MAST3: variants seen among roughly 807,000 people sequenced by gnomAD.
MAST3 encodes the protein microtubule-associated serine/threonine-protein kinase 3.
MAST3 carries 43 observed loss-of-function variants against 127.0 expected under a neutral mutation model. That is an observed-to-expected ratio of 0.34 (90% CI 0.27 to 0.44). The LOEUF (loss-of-function observed/expected upper bound fraction) is 0.44. Among genes scored for constraint, MAST3 ranks in the 20% least tolerant of loss-of-function variants. The pLI is 1.00. For synonymous variants in MAST3, 785 were observed against 809.2 expected, an observed-to-expected ratio of 0.97 and a Z score of 0.51; for missense variants, 1,390 against 1,919.1, an observed-to-expected ratio of 0.72 and a Z score of 5.15.
intron 1 of MAST3, among the ~76,000 whole-genome samples, 193 bp from the exon 2 acceptor site, chr19:18,107,394 G>A (rs956082982): frequency 2.6e-5 from 4 of 152,178 alleles, no homozygotes; most frequent in Non-Finnish European, 5.9e-5. Flanking sequence ...GGGCCAGAAG[G>A]GAGGGAAGGC....
intron 3 of MAST3, among the ~76,000 whole-genome samples, chr19:18,121,357 A>G (rs1165345995): frequency 6.6e-6 from 1 of 151,170 alleles, no homozygotes; most frequent in Non-Finnish European, 1.5e-5. Flanking sequence ...GGGTCTTGCT[A>G]TGTTGCCCAG....
intron 3 of MAST3, among the ~76,000 whole-genome samples, chr19:18,114,035 TC>T (rs1400726101): frequency 1.3e-5 from 2 of 152,104 alleles, no homozygotes; most frequent in Non-Finnish European, 2.9e-5. Flanking sequence ...AGAGCTCTGT[TC>T]CCTCCTTTCT....
chr19:18,127,977 G>C (rs2040848608), intron 11 of MAST3, among the ~76,000 whole-genome samples: 5 of 152,222 alleles, frequency 3.3e-5, no homozygotes, highest in African/African-American at 1.2e-4. Flanking sequence ...GATCACATGT[G>C]GTCTGTGGCT....
chr19:18,132,547 C>T (rs2041435023), intron 15 of MAST3, among the ~76,000 whole-genome samples: 1 of 152,124 alleles, frequency 6.6e-6, no homozygotes, highest in South Asian at 2.1e-4. Context: ...AGGAAGAGAA[C>T]GTGTTTACTG....
chr19:18,149,888 C>A lies in MAST3; in HGVS notation c.*162C>A. 1 of 932,838 alleles carries A rather than the reference C, an allele frequency of 1.1e-6. No individual in the cohort carries two copies. The highest frequency in any genetic ancestry group is 1.4e-6 in the Non-Finnish European group (1 of 703,966). 57.8% of individuals were successfully genotyped at this position (932,838 alleles called of 1,614,324 possible). The stretch of plus-strand genomic sequence containing the variant: ...GGAAGGTGGAGACATCGCTTGTGTT[C>A]TGGTGTCAATCGGGGCTGGATGGGG... On this transcript the variant is annotated 3_prime_UTR_variant, in exon 28 of 28. Transcript: ENST00000687212. The surrounding 1 kb of genome is among the most constrained non-coding windows in gnomAD (Gnocchi z 5.9).
rs1599907175 is a variant in MAST3 at position 18,145,891 on chromosome 19, C to T, written c.3162+26C>T. 6.4e-7 allele frequency: 1 copy of T among 1,561,594 alleles called. No homozygotes were observed. The highest frequency in any genetic ancestry group is 8.6e-7 in the Non-Finnish European group (1 of 1,158,900). On this transcript the variant is annotated intron_variant, in intron 25 of 27. Coordinates refer to ENST00000687212, the MANE Select transcript of MAST3 (RefSeq NM_001393504.1). This position sits in a 1 kb window ranked among gnomAD's most constrained non-coding sequence, Gnocchi z 5.9. ...GTGCGGCACCCCCACTGCCCACCCTCAGGGCTCCCCAGCACCCCTTGGCCG... is the reference window on the plus strand; with the variant it reads ...GTGCGGCACCCCCACTGCCCACCCTTAGGGCTCCCCAGCACCCCTTGGCCG...
intron 1 of MAST3, among the ~76,000 whole-genome samples, chr19:18,100,403 G>A (rs11667917): frequency 0.38 from 57,137 of 151,510 alleles, 11,134 homozygotes; most frequent in Admixed American, 0.43. Context: ...TAGAATTACA[G>A]GCGTGAGCCA....
chr19:18,123,832 C>T, intron 8 of MAST3, 107 bp from the exon 9 acceptor site: 1 of 1,149,356 alleles, frequency 8.7e-7, no homozygotes, highest in Non-Finnish European at 1.2e-6. Context: ...CCCGATCGCC[C>T]CATTGCCCCA....
rs1055320833 is a variant in MAST3, at chr19:18,110,431, C to G, written c.72-221C>G. On this transcript the variant is annotated intron_variant, in intron 2 of 27. Transcript: ENST00000687212. This position sits in a 1 kb window ranked among gnomAD's most constrained non-coding sequence, Gnocchi z 4.3. ...AGGACAGGATGACAACTACCCTCCC[C>G]CCACGTCTCTGTTCGTGTCGCCCAG... is the stretch of plus-strand genomic sequence containing the variant. 1.0e-6 allele frequency: 1 copy of G among 981,102 alleles called. No individual in the cohort carries two copies. Among genetic ancestry groups the G allele is most frequent in the East Asian group, 1.1e-4 (1 of 8,790 alleles). The allele number at this position is 981,102 out of a possible 1,614,324, so 60.8% of individuals were successfully genotyped here. A position where few individuals can be genotyped will look rare whatever the true frequency, so the allele number is the denominator to read the frequency against.
chr19:18,125,218 C>T (rs2040473945), intron 11 of MAST3, among the ~76,000 whole-genome samples: 1 of 152,194 alleles, frequency 6.6e-6, no homozygotes, highest in Non-Finnish European at 1.5e-5. Context: ...TCTTAGGTCA[C>T]CTGTGGGAAT....
chr19:18,141,031 C>T (rs902230607), intron 20 of MAST3, among the ~76,000 whole-genome samples: 3 of 152,054 alleles, frequency 2.0e-5, no homozygotes, highest in South Asian at 2.1e-4. Flanking sequence ...TGTCCTCAAG[C>T]GATCCGCCTG....
rs776847120 is a variant in MAST3, at chr19:18,141,973, G to A, written c.2297G>A (p.Arg766His). ...FSEDREEGWE[R>H]SEVDYGRRLS... ...GAAGACCGGGAGGAGGGGTGGGAGC[G>A]CAGCGAAGTGGACTATGGCCGCCGG... The change falls in exon 21 of 28, where the codon CGC becomes CAC. Residue 766 changes from arginine to histidine, a missense_variant. This residue lies in a region of MAST3 where 816 missense variants were observed against 934.1 expected (regional missense o/e 0.87). Transcript: ENST00000687212. 5.2e-5 allele frequency: 80 copies of A among 1,547,686 alleles called. No individual in the cohort carries two copies. The highest frequency in any genetic ancestry group is 6.6e-5 in the Non-Finnish European group (75 of 1,142,310).
At chr19:18,098,335 G>A (rs991181272) in intron 1 of MAST3, among the ~76,000 whole-genome samples, 5 of 151,600 alleles carry the variant, frequency 3.3e-5, no homozygotes, top group East Asian at 2.0e-4. Context: ...CTCTAGTCCC[G>A]GAAAGCCACT....
chr19:18,121,202 C>G (rs1278687027), intron 3 of MAST3, among the ~76,000 whole-genome samples: 1 of 152,090 alleles, frequency 6.6e-6, no homozygotes, highest in Non-Finnish European at 1.5e-5. Flanking sequence ...GTCACCTAGG[C>G]TGGAGTGCTG....
At chr19:18,143,641 G>A (rs1320846177) in intron 21 of MAST3, 122 bp from the exon 22 acceptor site, 13 of 1,265,978 alleles carry the variant, frequency 1.0e-5, no homozygotes, top group South Asian at 8.6e-5. Flanking sequence ...GAAGGAACTC[G>A]TCCTGTCTAT....
chr19:18,099,661 C>G (rs1265235921), intron 1 of MAST3, among the ~76,000 whole-genome samples: 3 of 152,180 alleles, frequency 2.0e-5, no homozygotes, highest in Admixed American at 6.5e-5. Context: ...CCAAACCAAC[C>G]CAGCACAGGC....
chr19:18,113,424 C>T (rs1252309634), intron 3 of MAST3, among the ~76,000 whole-genome samples: 1 of 152,102 alleles, frequency 6.6e-6, no homozygotes, highest in Non-Finnish European at 1.5e-5. Context: ...GCTGGGATTA[C>T]AGGCATGCAC....
At chr19:18,132,156 C>T (rs1487948954) in intron 15 of MAST3, 109 bp downstream of exon 15, 2 of 1,430,380 alleles carry the variant, frequency 1.4e-6, no homozygotes, top group Non-Finnish European at 1.9e-6. Flanking sequence ...TCCCGGGACC[C>T]TTCAGGAGCC....
At chr19:18,113,048 A>AG (rs1390300546) in intron 3 of MAST3, among the ~76,000 whole-genome samples, 1 of 152,142 alleles carries the variant, frequency 6.6e-6, no homozygotes, top group Non-Finnish European at 1.5e-5. Flanking sequence ...GACATGATGA[A>AG]GGGAGGGACC....
Sources: gnomAD v4.1 joint callset for allele counts (sites outside exome capture counted in the v4.1 genomes callset) on GRCh38, gnomAD v4.1.1 for gene constraint, gnomAD v4.1.1 regional missense constraint, Gnocchi (gnomAD v3.1) non-coding constraint, MANE v1.5 for transcripts, NCBI Gene and HGNC (gene_info 2026-07-23, HGNC 2026-07-21) for gene names.